MARCHF3: variants seen among roughly 807,000 people sequenced by gnomAD.
MARCHF3 encodes membrane associated ring-CH-type finger 3.
In MARCHF3, 13 loss-of-function variants were observed where a neutral mutation model predicts 24.2. The observed-to-expected ratio is 0.54, with a 90% CI of 0.35 to 0.85. The LOEUF (loss-of-function observed/expected upper bound fraction) is 0.85. MARCHF3 is among the 40% of genes least tolerant of loss of function. The probability of loss-of-function intolerance (pLI) is 0.01; values close to 1 mark genes in which losing one functional copy is unlikely to be tolerated. For missense variants in MARCHF3, 276 were observed against 325.0 expected (o/e 0.85, Z 1.16); for synonymous variants, 144 against 137.3 (o/e 1.05, Z -0.34).
chr5:126,909,291 C>T (rs569609859), intron 3 of MARCHF3, among the ~76,000 whole-genome samples: 14 of 152,356 alleles, frequency 9.2e-5, no homozygotes, highest in East Asian at 3.9e-4. Flanking sequence ...GTGCCCTGCA[C>T]GCAGAAGTGG....
intron 3 of MARCHF3, among the ~76,000 whole-genome samples, chr5:126,896,360 G>A (rs930050850): frequency 7.2e-5 from 11 of 152,100 alleles, no homozygotes; most frequent in African/African-American, 1.4e-4. Flanking sequence ...AGGGGTAAGG[G>A]GTAACAGCTC....
chr5:126,952,848 G>C (rs1054146888), intron 1 of MARCHF3, among the ~76,000 whole-genome samples: 1 of 151,964 alleles, frequency 6.6e-6, no homozygotes, highest in South Asian at 2.1e-4. Context: ...GGTTTATAAC[G>C]CGAATTGCCT....
intron 1 of MARCHF3, among the ~76,000 whole-genome samples, chr5:127,020,315 C>T (rs1253356825): frequency 2.6e-5 from 4 of 152,160 alleles, no homozygotes; most frequent in Admixed American, 2.6e-4. Flanking sequence ...AACAGCTTCA[C>T]ACTGTTTAGG....
chr5:126,922,926 T>A (rs898485982), intron 1 of MARCHF3, among the ~76,000 whole-genome samples: 8 of 152,216 alleles, frequency 5.3e-5, no homozygotes, highest in Non-Finnish European at 1.2e-4. Flanking sequence ...ACACTTGAAC[T>A]CTGACATTGC....
chr5:126,955,842 T>C (rs997862264), intron 1 of MARCHF3, among the ~76,000 whole-genome samples: 1 of 152,206 alleles, frequency 6.6e-6, no homozygotes, highest in Non-Finnish European at 1.5e-5. Flanking sequence ...AATTGTCCTT[T>C]TTTGTGTACC....
intron 1 of MARCHF3, among the ~76,000 whole-genome samples, chr5:126,973,600 A>T (rs567869774): frequency 6.6e-6 from 1 of 152,332 alleles, no homozygotes; most frequent in South Asian, 2.1e-4. Flanking sequence ...GGGGGCAATG[A>T]TCCTCAACTC....
intron 1 of MARCHF3, among the ~76,000 whole-genome samples, chr5:126,922,585 C>T (rs1362187648): frequency 6.6e-5 from 10 of 151,662 alleles, no homozygotes; most frequent in East Asian, 1.9e-4. Flanking sequence ...CTCACTCTGT[C>T]GCCCAGGCTG....
chr5:126,894,945 A>G (rs1041738759), intron 3 of MARCHF3, among the ~76,000 whole-genome samples: 2 of 151,996 alleles, frequency 1.3e-5, no homozygotes, highest in East Asian at 1.9e-4. Flanking sequence ...TTTCAGGTAC[A>G]CCAATCAGAT....
chr5:126,881,818 T>G (rs973843247), intron 3 of MARCHF3, among the ~76,000 whole-genome samples: 1 of 151,916 alleles, frequency 6.6e-6, no homozygotes, highest in Non-Finnish European at 1.5e-5. Context: ...TATAAATATA[T>G]GTATATATAT....
chr5:126,922,095 C>T (rs551717452), intron 1 of MARCHF3, among the ~76,000 whole-genome samples: 13 of 152,342 alleles, frequency 8.5e-5, no homozygotes, highest in Admixed American at 2.6e-4. Flanking sequence ...GGGAACATGG[C>T]TGGCATAACG....
chr5:126,897,392 T>C (rs1753959878), intron 3 of MARCHF3, among the ~76,000 whole-genome samples: 2 of 151,944 alleles, frequency 1.3e-5, no homozygotes, highest in Non-Finnish European at 2.9e-5. Context: ...CATTTATCCT[T>C]AGACCCTGAC....
intron 1 of MARCHF3, among the ~76,000 whole-genome samples, chr5:127,014,268 T>C (rs752285428): frequency 3.3e-5 from 5 of 152,066 alleles, no homozygotes; most frequent in Non-Finnish European, 7.4e-5. Flanking sequence ...GCATCGCTGA[T>C]AGAGAAATGC....
intron 1 of MARCHF3, among the ~76,000 whole-genome samples, chr5:126,979,944 AT>A (rs1751336548): frequency 1.5e-5 from 2 of 133,796 alleles, no homozygotes; most frequent in Non-Finnish European, 3.1e-5. Context: ...GCCAAACTCC[AT>A]CTCAAAAAAA....
intron 1 of MARCHF3, among the ~76,000 whole-genome samples, chr5:126,956,791 A>C (rs1004175964): frequency 2.2e-4 from 33 of 152,140 alleles, no homozygotes; most frequent in African/African-American, 7.2e-4. Context: ...CCTCACTAAA[A>C]GTTTCCATTT....
chr5:126,873,197 G>T (rs1255205532), intron 4 of MARCHF3, among the ~76,000 whole-genome samples: 3 of 152,154 alleles, frequency 2.0e-5, no homozygotes, highest in Non-Finnish European at 4.4e-5. Context: ...CCTCTACTTA[G>T]TGGTTACGTG....
At chr5:126,878,116 A>G in intron 4 of MARCHF3, 69 bp downstream of exon 4, 1 of 1,492,130 alleles carries the variant, frequency 6.7e-7, no homozygotes, top group Non-Finnish European at 9.3e-7. Flanking sequence ...AGACAAGAGG[A>G]AAGGCTTGTG....
At chr5:126,918,382 G>GCACACACACA (rs112284753) in intron 1 of MARCHF3, among the ~76,000 whole-genome samples, 155 bp from the exon 2 acceptor site, 82 of 149,530 alleles carry the variant, frequency 5.5e-4, no homozygotes, top group Admixed American at 2.7e-3. Flanking sequence ...TAATACAAGT[G>GCACACACACA]CACACACACA....
intron 1 of MARCHF3, among the ~76,000 whole-genome samples, chr5:126,975,456 C>CA (rs1290623945): frequency 6.6e-6 from 1 of 152,224 alleles, no homozygotes; most frequent in Non-Finnish European, 1.5e-5. Flanking sequence ...TCCACCACCT[C>CA]AAACATTAAT....
intron 3 of MARCHF3, among the ~76,000 whole-genome samples, chr5:126,883,934 A>T (rs1010944096): frequency 6.6e-6 from 1 of 152,206 alleles, no homozygotes. Context: ...AAACCATAAT[A>T]AATTTATGGA....
Sources: gnomAD v4.1 joint callset for allele counts (sites outside exome capture counted in the v4.1 genomes callset) on GRCh38, gnomAD v4.1.1 for gene constraint, MANE v1.5 for transcripts, NCBI Gene and HGNC (gene_info 2026-07-23, HGNC 2026-07-21) for gene names.